BTBD16: variants seen among roughly 807,000 people sequenced by gnomAD.
The protein encoded by BTBD16 is BTB domain containing 16, also known as BTB/POZ domain-containing protein 16.
A neutral mutation model predicts 67.4 loss-of-function variants in BTBD16; 66 were observed. The ratio of observed to expected loss-of-function variants is 0.98; its 90% confidence interval spans 0.80 to 1.20. BTBD16 has a LOEUF of 1.20. Ranked by LOEUF, BTBD16 falls within the 50% of genes most tolerant of loss-of-function variation. The pLI is 0.00. For missense variants in BTBD16, 634 were observed against 616.0 expected (o/e 1.03, Z -0.31); for synonymous variants, 242 against 236.4 (o/e 1.02, Z -0.22).
chr10:122,309,406 G>T (rs970641475), intron 10 of BTBD16, among the ~76,000 whole-genome samples: 1 of 150,598 alleles, frequency 6.6e-6, no homozygotes, highest in Non-Finnish European at 1.5e-5. Flanking sequence ...GTGCAGTAGC[G>T]CCATCTCAGC....
At chr10:122,299,926 C>T (rs1166883288) in intron 9 of BTBD16, among the ~76,000 whole-genome samples, 1 of 152,184 alleles carries the variant, frequency 6.6e-6, no homozygotes, top group African/African-American at 2.4e-5. Flanking sequence ...AGCATAAGTG[C>T]AGCCACGGGG....
At chr10:122,299,795 A>T (rs777903454) in intron 9 of BTBD16, among the ~76,000 whole-genome samples, 5 of 152,066 alleles carry the variant, frequency 3.3e-5, no homozygotes, top group African/African-American at 1.2e-4. Context: ...CGGAGGTCCA[A>T]TGTCTCTTAT....
At chr10:122,297,654 C>T (rs1456837152) in intron 7 of BTBD16, 114 bp from the exon 8 acceptor site, 2 of 1,145,966 alleles carry the variant, frequency 1.7e-6, no homozygotes, top group Admixed American at 3.9e-5. Flanking sequence ...AGCGAGGCTC[C>T]CTTCCGTTCA....
Position 122,289,963 on chromosome 10 carries a change from C to T in BTBD16, c.440C>T (p.Ser147Phe), listed in dbSNP as rs2096370859. The T allele has an allele frequency of 6.2e-7, 1 of 1,613,728 alleles. No individual in the cohort carries two copies. The part of the protein sequence containing the change: ...EKSPAKRIII[S>F]LKINDPLVTK... ...TCCCCTGCAAAGAGGATCATCATTT[C>T]CTTGAAGATCAATGACCCACTGGTC... The change falls in exon 6 of 16, where the codon TCC (serine) becomes TTC (phenylalanine). Residue 147 changes from serine (S) to phenylalanine (F), a missense_variant. By Grantham distance (155) the Ser-to-Phe change is radical. Transcript: ENST00000260723.
chr10:122,287,395 G>C, intron 5 of BTBD16: 1 of 983,634 alleles, frequency 1.0e-6, no homozygotes, highest in Non-Finnish European at 1.2e-6. Flanking sequence ...AACATGTCTA[G>C]AATGGGTCCC....
rs1221984028 is a variant in BTBD16 at position 122,320,883 on chromosome 10, G to A, written c.912-8597G>A. On this transcript the variant is annotated intron_variant, in intron 10 of 15. Coordinates refer to ENST00000260723, the MANE Select transcript of BTBD16 (RefSeq NM_144587.5). ...TTTCAACTTTTATTTCAGATTTAGG[G>A]GGTACATGTACAGGTCTGTTACATG... Among the ~76,000 whole-genome samples the A allele has an allele frequency of 2.0e-5, 3 of 151,946 alleles. No homozygotes were observed. In the East Asian group the frequency reaches 5.8e-4, roughly 29 times the overall value.
chr10:122,288,149 C>A (rs1469624892), intron 5 of BTBD16, among the ~76,000 whole-genome samples: 1 of 152,132 alleles, frequency 6.6e-6, no homozygotes, highest in Non-Finnish European at 1.5e-5. Flanking sequence ...GAAAGCATGA[C>A]AAATATTGTG....
intron 9 of BTBD16, among the ~76,000 whole-genome samples, chr10:122,301,731 C>T (rs2096394397): frequency 1.3e-5 from 2 of 152,190 alleles, no homozygotes; most frequent in African/African-American, 2.4e-5. Context: ...TTTCAGAATG[C>T]ACCTTTCTCC....
In BTBD16 at chr10:122,273,097, T is replaced by C. The variant is rs191964909; in HGVS notation, c.-43+1583T>C. Among the ~76,000 whole-genome samples, 523 of 152,190 alleles carry C rather than the reference T, an allele frequency of 3.4e-3. 2 individuals carry two copies. Among genetic ancestry groups the C allele is most frequent in the African/African-American group, 0.012 (494 of 41,510 alleles). ...AACACTTATAAATTGGTGATAGGAA[T>C]GTTAATTGCTGCAATTTTGGGGCAA... On this transcript the variant is annotated intron_variant, in intron 1 of 15. Transcript: ENST00000260723.
chr10:122,332,034 T>C, intron 12 of BTBD16: 1 of 179,638 alleles, frequency 5.6e-6, no homozygotes, highest in Non-Finnish European at 1.2e-5. Context: ...GCCCACCTCC[T>C]TCCTTTTGTC....
chr10:122,336,419 G>A (rs2096463254), intron 14 of BTBD16, 75 bp from the exon 15 acceptor site: 1 of 1,341,760 alleles, frequency 7.5e-7, no homozygotes, highest in Admixed American at 2.6e-5. Context: ...GGGTCTATAT[G>A]CCAGGCTCCA....
At position 122,335,108 on chromosome 10, in the gene BTBD16, A is replaced by T. The variant is rs2096461498; in HGVS notation, c.1263+129A>T. On this transcript the variant is annotated intron_variant, in intron 14 of 15. Transcript: ENST00000260723. ...TGACATGAAATGTATTGTAAGTGCTAACCACGCTCATGTATGTGATGTCAT... is the reference window on the plus strand; with the variant it reads ...TGACATGAAATGTATTGTAAGTGCTTACCACGCTCATGTATGTGATGTCAT... 3 of 555,320 alleles carry T rather than the reference A, an allele frequency of 5.4e-6. No homozygotes were observed. The Admixed American group carries it at 1.1e-4, about 20-fold the overall frequency. 34.4% of individuals were successfully genotyped at this position (555,320 alleles called of 1,614,324 possible). A position where few individuals can be genotyped will look rare whatever the true frequency, so the allele number is the denominator to read the frequency against.
At position 122,331,228 on chromosome 10, in the gene BTBD16, C is replaced by A; in HGVS notation, c.1056C>A (p.Leu352=). 6.2e-7 allele frequency: 1 copy of A among 1,613,956 alleles called. No homozygotes were observed. The highest frequency in any genetic ancestry group is 8.5e-7 in the Non-Finnish European group (1 of 1,179,934). The change falls in exon 12 of 16, where the codon CTC becomes CTA. Residue 352 remains leucine, a synonymous_variant. Transcript: ENST00000260723. ...TTAACTTCTTCCCAGAGTCATGGCT[C>A]GACCAGGTTACAGTCAACCATTACC... ...RHLNFFPESW[L]DQVTVNHYHA...
chr10:122,313,466 T>C (rs1395583121), intron 10 of BTBD16, among the ~76,000 whole-genome samples: 2 of 151,556 alleles, frequency 1.3e-5, no homozygotes, highest in African/African-American at 4.9e-5. Flanking sequence ...GGTTTCACCA[T>C]GTTGGTCAGG....
At chr10:122,298,492 A>G (rs373982691) in intron 8 of BTBD16, among the ~76,000 whole-genome samples, 1 of 152,202 alleles carries the variant, frequency 6.6e-6, no homozygotes, top group African/African-American at 2.4e-5. Context: ...TTCGAGGTGT[A>G]CTGAAGCTCT....
intron 10 of BTBD16, among the ~76,000 whole-genome samples, chr10:122,308,440 CT>C (rs2096407555): frequency 1.3e-5 from 2 of 152,222 alleles, no homozygotes; most frequent in Admixed American, 6.5e-5. Flanking sequence ...CCCAAGCCCC[CT>C]GATCCTGTAT....
At chr10:122,297,874 G>T (rs754667850) in intron 8 of BTBD16, 37 bp downstream of exon 8, 54 of 1,604,998 alleles carry the variant, frequency 3.4e-5, no homozygotes, top group East Asian at 4.5e-5. Context: ...CGCCCCTTGG[G>T]GGGGCCTTCA....
intron 9 of BTBD16, among the ~76,000 whole-genome samples, chr10:122,304,687 T>C (rs2096400285): frequency 6.6e-6 from 1 of 151,716 alleles, no homozygotes; most frequent in Non-Finnish European, 1.5e-5. Context: ...CCTGAGTAGC[T>C]GGGACTCAGG....
chr10:122,314,241 C>T (rs2096419778), intron 10 of BTBD16, among the ~76,000 whole-genome samples: 1 of 152,076 alleles, frequency 6.6e-6, no homozygotes, highest in South Asian at 2.1e-4. Context: ...ATTTCTTGAC[C>T]AGGCTCAGTG....
Sources: allele counts gnomAD v4.1 joint callset (sites outside exome capture counted in the v4.1 genomes callset), GRCh38; gene constraint gnomAD v4.1.1; transcripts MANE v1.5; gene names NCBI Gene and HGNC (gene_info 2026-07-23, HGNC 2026-07-21).